The following CRADD variants were observed in gnomAD, a reference collection of about 807,000 sequenced individuals.
CRADD encodes death domain-containing protein CRADD.
CRADD carries 9 observed loss-of-function variants against 15.5 expected under a neutral mutation model. That is an observed-to-expected ratio of 0.58 (90% CI 0.35 to 1.01). The LOEUF (loss-of-function observed/expected upper bound fraction) is 1.01, where lower values mean the gene tolerates loss of function less well. Ranked by LOEUF, CRADD falls within the 50% of genes least tolerant of loss-of-function variation. The pLI is 0.02. For missense variants in CRADD, 227 were observed against 250.3 expected, an observed-to-expected ratio of 0.91 and a Z score of 0.63; for synonymous variants, 118 against 107.6, an observed-to-expected ratio of 1.10 and a Z score of -0.60.
At chr12:93,831,357 G>C (rs1957899039) in intron 2 of CRADD, 1 of 152,168 alleles carries the variant, frequency 6.6e-6, no homozygotes, top group Non-Finnish European at 1.5e-5. Flanking sequence ...GGGCAACATA[G>C]CAAGACCATG....
chr12:93,819,823 A>G (rs943743019), intron 2 of CRADD, among the ~76,000 whole-genome samples: 1 of 152,240 alleles, frequency 6.6e-6, no homozygotes, highest in Non-Finnish European at 1.5e-5. Flanking sequence ...TTCATATTAG[A>G]GTTAGCCAAC....
intron 2 of CRADD, among the ~76,000 whole-genome samples, chr12:93,713,825 T>C (rs893611226): frequency 6.6e-6 from 1 of 152,318 alleles, no homozygotes; most frequent in Non-Finnish European, 1.5e-5. Flanking sequence ...TTTTGATATA[T>C]TGGGTTACAT....
At chr12:93,702,722 A>G (rs970762333) in intron 2 of CRADD, among the ~76,000 whole-genome samples, 2 of 151,680 alleles carry the variant, frequency 1.3e-5, no homozygotes, top group African/African-American at 2.4e-5. Context: ...ACCACCCCCA[A>G]TCTTTACCTC....
intron 2 of CRADD, among the ~76,000 whole-genome samples, chr12:93,680,389 G>T (rs936021869): frequency 6.6e-6 from 1 of 152,036 alleles, no homozygotes; most frequent in South Asian, 2.1e-4. Flanking sequence ...TACTATTTTT[G>T]CTCCATGGAC....
intron 2 of CRADD, among the ~76,000 whole-genome samples, chr12:93,711,055 C>CCCCCCTCTTTTTTT: frequency 2.3e-5 from 1 of 43,508 alleles, no homozygotes; most frequent in African/African-American, 8.5e-5. Flanking sequence ...CCACCCCCGC[C>CCCCCCTCTTTTTTT]TTTTTTTTTT....
intron 2 of CRADD, among the ~76,000 whole-genome samples, chr12:93,686,509 GT>G (rs1047854400): frequency 5.3e-5 from 8 of 152,076 alleles, no homozygotes; most frequent in African/African-American, 1.9e-4. Context: ...ATGCTTCACA[GT>G]TTTGCTCTTT....
rs1047597412 is a variant in CRADD at position 93,824,440 on chromosome 12, A to C, written c.299-25530A>C. On this transcript the variant is annotated intron_variant, in intron 2 of 2. Coordinates refer to ENST00000332896, the MANE Select transcript of CRADD (RefSeq NM_003805.5). The surrounding 1 kb of genome is among the most constrained non-coding windows in gnomAD (Gnocchi z 4.3). Reference sequence around the variant, plus strand: ...CACACATACACACACACACACACACACTACCAGGAAGCAGGCTAAAAGAAT... The same window carrying C: ...CACACATACACACACACACACACACCCTACCAGGAAGCAGGCTAAAAGAAT... Among the ~76,000 whole-genome samples, 3 of 151,714 alleles carry C rather than the reference A, an allele frequency of 2.0e-5. No homozygotes were observed. Among genetic ancestry groups the C allele is most frequent in the Non-Finnish European group, 2.9e-5 (2 of 67,908 alleles).
At chr12:93,819,217 A>G (rs1213566145) in intron 2 of CRADD, among the ~76,000 whole-genome samples, 1 of 152,242 alleles carries the variant, frequency 6.6e-6, no homozygotes, top group Non-Finnish European at 1.5e-5. Context: ...GAATAAACAC[A>G]GGGCCTGGTT....
chr12:93,871,295 C>T (rs112068765), intron 2 of CRADD, among the ~76,000 whole-genome samples: 11 of 152,088 alleles, frequency 7.2e-5, no homozygotes, highest in Non-Finnish European at 1.0e-4. Context: ...TTTATCTTGC[C>T]TCACATTAAA....
chr12:93,751,305 A>C (rs1956826581), intron 2 of CRADD, among the ~76,000 whole-genome samples: 1 of 152,216 alleles, frequency 6.6e-6, no homozygotes, highest in African/African-American at 2.4e-5. Flanking sequence ...GTCTGTCACC[A>C]GCTGATGCCC....
chr12:93,683,747 C>T (rs1228131853), intron 2 of CRADD, among the ~76,000 whole-genome samples: 3 of 152,230 alleles, frequency 2.0e-5, no homozygotes, highest in Admixed American at 6.5e-5. Context: ...TTGGATGCAT[C>T]TAAAGTCACT....
In CRADD at chr12:93,856,741, CAT is replaced by C. The variant is rs369463599; in HGVS notation, c.299-37308_299-37307del. 8.3e-4 allele frequency among the ~76,000 whole-genome samples: 126 copies of C among 152,312 alleles called. 4 individuals are homozygous for C. The South Asian group carries it at 0.024, about 29-fold the overall frequency. ...TCAAGATGACAGTGACATTGAGAAACATGTGGTTTGTTAATCCACAGTGGGAT... is the reference window on the plus strand; with the variant it reads ...TCAAGATGACAGTGACATTGAGAAACGTGGTTTGTTAATCCACAGTGGGAT... On this transcript the variant is annotated intron_variant, in intron 2 of 2. Transcript: ENST00000548483.
intron 2 of CRADD, among the ~76,000 whole-genome samples, chr12:93,770,818 T>C (rs1000521689): frequency 6.6e-6 from 1 of 152,254 alleles, no homozygotes; most frequent in Non-Finnish European, 1.5e-5. Flanking sequence ...GAACAGCTTG[T>C]CAATTTCCAC....
intron 2 of CRADD, among the ~76,000 whole-genome samples, chr12:93,829,513 G>T (rs1957865576): frequency 6.6e-6 from 1 of 152,114 alleles, no homozygotes; most frequent in South Asian, 2.1e-4. Flanking sequence ...GGAATTTTGT[G>T]AAACCTCTCA....
At chr12:93,863,013 A>G (rs1958329898) in intron 2 of CRADD, among the ~76,000 whole-genome samples, 1 of 152,238 alleles carries the variant, frequency 6.6e-6, no homozygotes, top group Non-Finnish European at 1.5e-5. Context: ...TATGGGGCAC[A>G]TGGAAAGAGA....
Position 93,728,927 on chromosome 12 carries a change from G to C in CRADD, c.298+49855G>C, listed in dbSNP as rs557154181. ...CATAGCTACAACAGGAAGTCTAGAAGCAGGCTTGAGTATACATGGAAACCT... is the reference window on the plus strand; with the variant it reads ...CATAGCTACAACAGGAAGTCTAGAACCAGGCTTGAGTATACATGGAAACCT... On this transcript the variant is annotated intron_variant, in intron 2 of 2. Coordinates refer to ENST00000332896, the MANE Select transcript of CRADD (RefSeq NM_003805.5). 7.7e-4 allele frequency among the ~76,000 whole-genome samples: 117 copies of C among 152,278 alleles called. 2 individuals are homozygous for C. Among genetic ancestry groups the C allele is most frequent in the Admixed American group, 3.5e-3 (54 of 15,288 alleles).
rs114434514 is a variant in CRADD, at chr12:93,856,202, A to G, written c.299-37848A>G. On this transcript the variant is annotated intron_variant, in intron 2 of 2. Transcript: ENST00000548483. ...TTTGTGGTATAGAAATAGAAACTGC[A>G]TAGTCCCTCAATATCTTTATCAGGA... 6.4e-3 allele frequency among the ~76,000 whole-genome samples: 975 copies of G among 152,366 alleles called. 11 individuals are homozygous for G. Among genetic ancestry groups the G allele is most frequent in the African/African-American group, 0.02 (849 of 41,584 alleles).
chr12:93,829,462 G>T (rs148893455), intron 2 of CRADD, among the ~76,000 whole-genome samples: 7 of 152,284 alleles, frequency 4.6e-5, no homozygotes, highest in African/African-American at 1.7e-4. Flanking sequence ...TAGCCAGGAT[G>T]AGGATGGCTC....
intron 2 of CRADD, among the ~76,000 whole-genome samples, chr12:93,770,290 G>T (rs1486155966): frequency 6.6e-6 from 1 of 151,738 alleles, no homozygotes; most frequent in African/African-American, 2.4e-5. Flanking sequence ...GTAGAGACGG[G>T]GTTTCACCGT....
Sources: gnomAD v4.1 joint callset for allele counts (sites outside exome capture counted in the v4.1 genomes callset) on GRCh38, gnomAD v4.1.1 for gene constraint, Gnocchi (gnomAD v3.1) non-coding constraint, MANE v1.5 for transcripts, NCBI Gene and HGNC (gene_info 2026-07-23, HGNC 2026-07-21) for gene names.